The following SDK2 variants were observed in gnomAD, a reference collection of about 807,000 sequenced individuals.
The protein encoded by SDK2 is sidekick cell adhesion molecule 2.
A neutral mutation model predicts 253.9 loss-of-function variants in SDK2; 105 were observed. The ratio of observed to expected loss-of-function variants is 0.41; its 90% CI spans 0.35 to 0.49. SDK2 has a LOEUF of 0.49. SDK2 is among the 20% of genes least tolerant of loss of function. SDK2 has a pLI of 0.06. For synonymous variants in SDK2, 1,249 were observed against 1,234.9 expected, an observed-to-expected ratio of 1.01 and a Z score of -0.24; for missense variants, 2,608 against 3,003.0, an observed-to-expected ratio of 0.87 and a Z score of 3.07.
At chr17:73,377,309 C>T (rs896230728) in intron 36 of SDK2, among the ~76,000 whole-genome samples, 39 of 150,846 alleles carry the variant, frequency 2.6e-4, no homozygotes, top group African/African-American at 9.5e-4. Flanking sequence ...ACCTCTGTCT[C>T]CTGGGTTCAA....
At chr17:73,422,516 C>G in intron 14 of SDK2, 82 bp from the exon 15 acceptor site, 6 of 1,492,328 alleles carry the variant, frequency 4.0e-6, no homozygotes, top group Non-Finnish European at 5.5e-6. Context: ...CCAGCAGGGT[C>G]CAGCTTCACT....
In SDK2 at chr17:73,338,885, A is replaced by G. The variant is rs757499946; in HGVS notation, c.6221T>C (p.Val2074Ala). 2 of 1,613,972 alleles carry G rather than the reference A, an allele frequency of 1.2e-6. No individual in the cohort carries two copies. The highest frequency in any genetic ancestry group is 1.7e-6 in the Non-Finnish European group (2 of 1,179,886). Residue 2074 changes from valine (V) to alanine (A), a missense_variant, in exon 45 of 45, where the codon GTC becomes GCC. By Grantham distance (64) the Val-to-Ala change is moderately conservative. This residue lies in a region of SDK2 where 1,103 missense variants were observed against 1,143.9 expected (regional missense o/e 0.96). Coordinates refer to ENST00000392650, the MANE Select transcript of SDK2 (RefSeq NM_001144952.2). This position sits in a 1 kb window ranked among gnomAD's most constrained non-coding sequence, Gnocchi z 5.0. ...TGTGGGGTCACTGATGTAGTGGTTGACAAAGGAGTGGGCCTTCTGGTGGTT... is the reference window on the plus strand; with the variant it reads ...TGTGGGGTCACTGATGTAGTGGTTGGCAAAGGAGTGGGCCTTCTGGTGGTT... ...DSNHQKAHSF[V>A]NHYISDPTYY...
At chr17:73,581,046 T>A (rs1820491693) in intron 1 of SDK2, among the ~76,000 whole-genome samples, 1 of 146,506 alleles carries the variant, frequency 6.8e-6, no homozygotes, top group African/African-American at 2.5e-5. Context: ...ATTTTTGTAT[T>A]TTTTGGTTTT....
chr17:73,614,074 C>T (rs914748547), intron 1 of SDK2, among the ~76,000 whole-genome samples: 29 of 152,194 alleles, frequency 1.9e-4, no homozygotes, highest in African/African-American at 5.5e-4. Context: ...CTGGGCCTCC[C>T]TGCCGGCCCC....
intron 1 of SDK2, among the ~76,000 whole-genome samples, chr17:73,577,632 G>C (rs907507017): frequency 6.6e-6 from 1 of 152,162 alleles, no homozygotes; most frequent in African/African-American, 2.4e-5. Flanking sequence ...CAGGTGCTGT[G>C]GGGGAGGGAG....
At chr17:73,371,005 A>C (rs1001113918) in intron 36 of SDK2, among the ~76,000 whole-genome samples, 1 of 151,966 alleles carries the variant, frequency 6.6e-6, no homozygotes. Flanking sequence ...TGAAGGTTGC[A>C]GTGAGCTGAG....
At chr17:73,606,800 G>C (rs188325579) in intron 1 of SDK2, among the ~76,000 whole-genome samples, 1 of 152,132 alleles carries the variant, frequency 6.6e-6, no homozygotes, top group Non-Finnish European at 1.5e-5. Flanking sequence ...TATTAGTCAC[G>C]GAAACATATT....
chr17:73,587,674 C>A (rs1038039481), intron 1 of SDK2, among the ~76,000 whole-genome samples: 6 of 152,190 alleles, frequency 3.9e-5, no homozygotes, highest in Admixed American at 3.3e-4. Flanking sequence ...CCCCGGGGGA[C>A]AATCACCTTC....
At chr17:73,591,345 C>G (rs1171203616) in intron 1 of SDK2, among the ~76,000 whole-genome samples, 1 of 152,186 alleles carries the variant, frequency 6.6e-6, no homozygotes, top group Non-Finnish European at 1.5e-5. Context: ...TTCAGCTTCT[C>G]GAACCTGGTG....
intron 21 of SDK2, among the ~76,000 whole-genome samples, 165 bp downstream of exon 21, chr17:73,400,855 C>G (rs1008293096): frequency 9.2e-5 from 14 of 152,002 alleles, no homozygotes; most frequent in African/African-American, 3.1e-4. Flanking sequence ...ACCACGTTGG[C>G]CAGGCTGGTC....
chr17:73,350,429 A>G, intron 42 of SDK2, 54 bp from the exon 43 acceptor site: 2 of 1,573,784 alleles, frequency 1.3e-6, no homozygotes, highest in South Asian at 1.2e-5. Context: ...CCCCTCTCCC[A>G]TACCACTCTC....
In SDK2 at chr17:73,575,730, GA is replaced by G. The variant is rs1461165345; in HGVS notation, c.65-68134del. On this transcript the variant is annotated intron_variant, in intron 1 of 44. Transcript: ENST00000392650. The stretch of plus-strand genomic sequence containing the variant: ...GTAATTATGGAATTAAAGTTGAATA[GA>G]CAATCTTTGTGCTCAAGGAGCTCAG... Among the ~76,000 whole-genome samples the G allele has an allele frequency of 3.7e-3, 566 of 152,348 alleles. 1 individual carries two copies. The highest frequency in any genetic ancestry group is 8.9e-3 in the African/African-American group (369 of 41,582).
chr17:73,411,436 C>T (rs185512366), intron 18 of SDK2, among the ~76,000 whole-genome samples: 2 of 152,224 alleles, frequency 1.3e-5, no homozygotes, highest in Admixed American at 6.5e-5. Flanking sequence ...CGAGGTCATG[C>T]GTTCCCTGGA....
Position 73,338,865 on chromosome 17 carries a change from G to T in SDK2, c.6241C>A (p.Pro2081Thr). The change falls in exon 45 of 45, where the codon CCC (proline) becomes ACC (threonine). Residue 2081 changes from proline (P) to threonine (T), a missense_variant. By Grantham distance (38) the Pro-to-Thr change is conservative. Transcript: ENST00000392650. This position sits in a 1 kb window ranked among gnomAD's most constrained non-coding sequence, Gnocchi z 5.0. ...CGCCGCCACGAGTTGTAGTATGTGG[G>T]GTCACTGATGTAGTGGTTGACAAAG... The part of the protein sequence containing the change: ...HSFVNHYISD[P>T]TYYNSWRRQQ... The T allele has an allele frequency of 6.2e-7, 1 of 1,613,984 alleles. No individual in the cohort carries two copies. The highest frequency in any genetic ancestry group is 2.2e-5 in the East Asian group (1 of 44,888).
rs765337277 is a variant in SDK2, at chr17:73,395,203, C to T, written c.3544G>A (p.Gly1182Arg). 3.1e-6 allele frequency: 5 copies of T among 1,610,636 alleles called. No homozygotes were observed. Among genetic ancestry groups the T allele is most frequent in the Admixed American group, 1.7e-5 (1 of 59,578 alleles). ...ACCGTCTGGCTCCAGGGCCCGCTCCCGATGGCGTTGAAGGCCTGGACCTGG... is the reference window on the plus strand; with the variant it reads ...ACCGTCTGGCTCCAGGGCCCGCTCCTGATGGCGTTGAAGGCCTGGACCTGG... ...RVQVQAFNAI[G>R]SGPWSQTVVG... The change falls in exon 25 of 45, where the codon GGG (glycine) becomes AGG (arginine). Residue 1182 changes from glycine to arginine, a missense_variant. Coordinates refer to ENST00000392650, the MANE Select transcript of SDK2 (RefSeq NM_001144952.2). This position sits in a 1 kb window ranked among gnomAD's most constrained non-coding sequence, Gnocchi z 4.3.
At chr17:73,364,013 G>C (rs1052957688) in intron 38 of SDK2, among the ~76,000 whole-genome samples, 1 of 151,906 alleles carries the variant, frequency 6.6e-6, no homozygotes, top group African/African-American at 2.4e-5. Context: ...TGGTCACAAC[G>C]ATGTTCCCAG....
At chr17:73,598,214 A>T (rs1365743300) in intron 1 of SDK2, among the ~76,000 whole-genome samples, 1 of 152,144 alleles carries the variant, frequency 6.6e-6, no homozygotes, top group African/African-American at 2.4e-5. Flanking sequence ...AAGCATATAC[A>T]GGTGACAGGA....
intron 12 of SDK2, among the ~76,000 whole-genome samples, chr17:73,425,570 C>T (rs923731950): frequency 3.9e-5 from 6 of 152,116 alleles, no homozygotes; most frequent in African/African-American, 9.7e-5. Flanking sequence ...TGCCGTGGTG[C>T]GGTCTTGACT....
rs560054481 is a variant in SDK2 at position 73,489,514 on chromosome 17, G to A, written c.225-17296C>T. On this transcript the variant is annotated intron_variant, in intron 2 of 44. Transcript: ENST00000392650. ...CCTGCCAAGCACCGCCCAGATGGCC[G>A]GAGCTTCCTGTCCCGCTGAGTCCTG... is the stretch of plus-strand genomic sequence containing the variant. Among the ~76,000 whole-genome samples, 8 of 152,288 alleles carry A rather than the reference G, an allele frequency of 5.3e-5. No homozygotes were observed. In the East Asian group the frequency reaches 1.2e-3, roughly 22 times the overall value.
Sources: allele counts gnomAD v4.1 joint callset (sites outside exome capture counted in the v4.1 genomes callset), GRCh38; gene constraint gnomAD v4.1.1; regional missense constraint gnomAD v4.1.1; non-coding constraint Gnocchi (gnomAD v3.1); transcripts MANE v1.5; gene names NCBI Gene and HGNC (gene_info 2026-07-23, HGNC 2026-07-21).